SENP2: variants seen among roughly 807,000 people sequenced by gnomAD.
SENP2 encodes SUMO specific peptidase 2, also known as sentrin-specific protease 2.
Under a neutral mutation model 86.3 loss-of-function variants are expected in SENP2, and 16 were observed. The observed-to-expected ratio is 0.19, with a 90% CI of 0.13 to 0.28. The LOEUF is 0.28. Ranked by LOEUF, SENP2 falls within the 10% of genes least tolerant of loss-of-function variation. The probability of loss-of-function intolerance (pLI) is 1.00; values close to 1 mark genes in which losing one functional copy is unlikely to be tolerated. For missense variants in SENP2, 552 were observed against 703.0 expected (o/e 0.79, Z 2.43); for synonymous variants, 222 against 238.7 (o/e 0.93, Z 0.64).
At chr3:185,597,166 A>G (rs1211129674) in intron 2 of SENP2, among the ~76,000 whole-genome samples, 3 of 151,970 alleles carry the variant, frequency 2.0e-5, no homozygotes, top group Non-Finnish European at 4.4e-5. Flanking sequence ...TTTATTTTAT[A>G]TATCCTGGAG....
chr3:185,626,512 C>A (rs1175823239), intron 16 of SENP2, 119 bp downstream of exon 16: 6 of 642,160 alleles, frequency 9.3e-6, no homozygotes, highest in Non-Finnish European at 1.6e-5. Flanking sequence ...GTGGCTCACA[C>A]CTGTAATCCC....
rs1321079065 is a variant in SENP2, at chr3:185,611,789, T to A, written c.817+44T>A. The A allele has an allele frequency of 2.3e-6, 3 of 1,333,166 alleles. No homozygotes were observed. In the Admixed American group the frequency reaches 5.5e-5, roughly 24 times the overall value. The allele number at this position is 1,333,166 out of a possible 1,614,324, so 82.6% of individuals were successfully genotyped here. A position where few individuals can be genotyped will look rare whatever the true frequency, so the allele number is the denominator to read the frequency against. On this transcript the variant is annotated intron_variant, in intron 8 of 16. Transcript: ENST00000296257. ...CCTTGTCTTAATATATTGACCTTAG[T>A]TCATGCTACAGTGTTCATATGAGGT...
At chr3:185,619,536 C>G (rs368061960) in intron 13 of SENP2, 34 bp downstream of exon 13, 105 of 1,585,900 alleles carry the variant, frequency 6.6e-5, no homozygotes, top group Non-Finnish European at 8.2e-5. Context: ...AATTGTTGGA[C>G]TTGGATAAAG....
chr3:185,610,816 G>A (rs1577732078), intron 7 of SENP2, among the ~76,000 whole-genome samples: 1 of 152,072 alleles, frequency 6.6e-6, no homozygotes, highest in Non-Finnish European at 1.5e-5. Flanking sequence ...AAATTAGCTG[G>A]GCATGGTGGC....
intron 5 of SENP2, 96 bp from the exon 6 acceptor site, chr3:185,606,234 C>T (rs1722504177): frequency 1.7e-6 from 2 of 1,185,118 alleles, no homozygotes; most frequent in Non-Finnish European, 2.3e-6. Context: ...TAAGCTTGAC[C>T]TAAAGCAACT....
intron 12 of SENP2, among the ~76,000 whole-genome samples, chr3:185,618,649 C>T (rs999385951): frequency 8.5e-5 from 13 of 152,140 alleles, no homozygotes; most frequent in Non-Finnish European, 7.4e-5. Flanking sequence ...AAGGCTGAGG[C>T]GGGCGGATCA....
Position 185,587,983 on chromosome 3 carries a change from C to T in SENP2, c.101+1469C>T, listed in dbSNP as rs1721851108. Among the ~76,000 whole-genome samples the T allele has an allele frequency of 1.3e-5, 2 of 150,444 alleles. 1 individual carries two copies. Among genetic ancestry groups the T allele is most frequent in the South Asian group, 4.2e-4 (2 of 4,746 alleles). ...CTTGAACTCCTGACCTCGTGATCCA[C>T]CCGCCTCAGCCTCCCAAAGTGCTGG... On this transcript the variant is annotated intron_variant, in intron 1 of 16. Transcript: ENST00000296257.
chr3:185,617,499 G>C lies in SENP2; in HGVS notation c.1130G>C (p.Ser377Thr). ...ELTEDMEKEI[S>T]NALGHGPQDE... is the part of the protein sequence containing the mutation. Reference sequence around the variant, plus strand: ...ATTCAGGACATGGAAAAGGAAATCAGTAATGCCCTAGGCCATGGCCCACAG... The same window carrying C: ...ATTCAGGACATGGAAAAGGAAATCACTAATGCCCTAGGCCATGGCCCACAG... Residue 377 changes from serine to threonine, a missense_variant, in exon 12 of 17, where the codon AGT (serine) becomes ACT (threonine). By Grantham distance (58) the Ser-to-Thr change is moderately conservative. This residue lies in a region of SENP2 where 169 missense variants were observed against 275.7 expected (regional missense o/e 0.61). Coordinates refer to ENST00000296257, the MANE Select transcript of SENP2 (RefSeq NM_021627.3). 6.2e-7 allele frequency: 1 copy of C among 1,611,066 alleles called. No individual in the cohort carries two copies. The highest frequency in any genetic ancestry group is 8.5e-7 in the Non-Finnish European group (1 of 1,178,590).
At chr3:185,588,202 C>T (rs1290949980) in intron 1 of SENP2, among the ~76,000 whole-genome samples, 1 of 151,630 alleles carries the variant, frequency 6.6e-6, no homozygotes, top group African/African-American at 2.4e-5. Context: ...GGACTACAGG[C>T]GCCCGCCACC....
At chr3:185,614,387 G>A in intron 10 of SENP2, 177 bp from the exon 11 acceptor site, 1 of 596,494 alleles carries the variant, frequency 1.7e-6, no homozygotes, top group Non-Finnish European at 2.9e-6. Context: ...CCTAGGTCTG[G>A]AGCTTTTTTT....
intron 2 of SENP2, among the ~76,000 whole-genome samples, chr3:185,597,584 C>T (rs1722215081): frequency 6.6e-6 from 1 of 151,564 alleles, no homozygotes; most frequent in South Asian, 2.1e-4. Flanking sequence ...GATCTCCTGA[C>T]CTCAAGTGAT....
intron 2 of SENP2, among the ~76,000 whole-genome samples, chr3:185,594,564 A>G (rs975440901): frequency 6.6e-6 from 1 of 152,150 alleles, no homozygotes; most frequent in Non-Finnish European, 1.5e-5. Flanking sequence ...AGAGAAAAAA[A>G]AGCAAAGCAA....
intron 16 of SENP2, among the ~76,000 whole-genome samples, chr3:185,629,154 T>C (rs1008460152): frequency 6.6e-6 from 1 of 152,246 alleles, no homozygotes; most frequent in Non-Finnish European, 1.5e-5. Context: ...TTTTAGAATG[T>C]TTTGAAAATT....
chr3:185,590,829 CTG>C (rs2148979660), intron 2 of SENP2, among the ~76,000 whole-genome samples: 1 of 45,500 alleles, frequency 2.2e-5, no homozygotes, highest in Admixed American at 2.5e-4. Flanking sequence ...CTACTGCACT[CTG>C]CACTCCAGCC....
Position 185,611,662 on chromosome 3 carries a change from G to T in SENP2, c.734G>T (p.Ser245Ile). 6.2e-7 allele frequency: 1 copy of T among 1,612,530 alleles called. No homozygotes were observed. Among genetic ancestry groups the T allele is most frequent in the South Asian group, 1.1e-5 (1 of 91,030 alleles). The change falls in exon 8 of 17, where the codon AGT becomes ATT. Residue 245 changes from serine to isoleucine, a missense_variant. Physicochemically the swap from Ser to Ile is moderately radical, Grantham distance 142. Coordinates refer to ENST00000296257, the MANE Select transcript of SENP2 (RefSeq NM_021627.3). ...VTSNYHSSQRSQMDTLKTKGW... is the reference protein window; with the variant it reads ...VTSNYHSSQRIQMDTLKTKGW... The stretch of plus-strand genomic sequence containing the variant: ...TTTGTGTTTCTAAGTTCTCAAAGAA[G>T]TCAGATGGACACATTAAAGACCAAA...
At chr3:185,598,369 G>A in intron 2 of SENP2, 43 bp from the exon 3 acceptor site, 1 of 1,588,344 alleles carries the variant, frequency 6.3e-7, no homozygotes. Flanking sequence ...TTTTTAGCTG[G>A]AAGTTTATTA....
chr3:185,602,789 C>T (rs1363925538), intron 5 of SENP2, among the ~76,000 whole-genome samples: 14 of 122,762 alleles, frequency 1.1e-4, no homozygotes, highest in Middle Eastern at 5.9e-3. Context: ...GCTAAGATTA[C>T]ACCACTGCAC....
intron 2 of SENP2, among the ~76,000 whole-genome samples, chr3:185,597,309 C>T (rs1428973958): frequency 1.3e-5 from 2 of 152,058 alleles, no homozygotes; most frequent in Non-Finnish European, 2.9e-5. Flanking sequence ...AATTACAATA[C>T]TGGTATTCCA....
At chr3:185,606,092 G>A (rs929291743) in intron 5 of SENP2, among the ~76,000 whole-genome samples, 4 of 152,134 alleles carry the variant, frequency 2.6e-5, no homozygotes, top group African/African-American at 9.7e-5. Flanking sequence ...GCATGAAGAG[G>A]AAGGCAGAGA....
Sources: gnomAD v4.1 joint callset for allele counts (sites outside exome capture counted in the v4.1 genomes callset) on GRCh38, gnomAD v4.1.1 for gene constraint, gnomAD v4.1.1 regional missense constraint, MANE v1.5 for transcripts, NCBI Gene and HGNC (gene_info 2026-07-23, HGNC 2026-07-21) for gene names.